Variants in WWP2 observed in about 807,000 individuals in gnomAD.
WWP2 encodes WW domain containing E3 ubiquitin protein ligase 2.
A neutral mutation model predicts 121.0 loss-of-function variants in WWP2; 57 were observed. The observed-to-expected ratio is 0.47, with a 90% confidence interval of 0.38 to 0.59. WWP2 has a LOEUF of 0.59. WWP2 is among the 20% of genes least tolerant of loss of function. The probability of loss-of-function intolerance (pLI) is 0.00; values close to 1 mark genes in which losing one functional copy is unlikely to be tolerated. For synonymous variants in WWP2, 449 were observed against 441.3 expected (o/e 1.02, Z -0.22); for missense variants, 962 against 1,158.9 (o/e 0.83, Z 2.47).
At chr16:69,927,970 TTTTTA>T (rs2058663685) in intron 11 of WWP2, among the ~76,000 whole-genome samples, 1 of 152,188 alleles carries the variant, frequency 6.6e-6, no homozygotes, top group Non-Finnish European at 1.5e-5. Context: ...CCTGTCTTTA[TTTTTA>T]TTTTATTTAT....
At chr16:69,907,879 C>G (rs1043197125) in intron 8 of WWP2, among the ~76,000 whole-genome samples, 1 of 152,170 alleles carries the variant, frequency 6.6e-6, no homozygotes, top group African/African-American at 2.4e-5. Context: ...GTAAATGAAT[C>G]TTATATTACA....
intron 16 of WWP2, chr16:69,933,206 G>A: frequency 2.2e-6 from 1 of 458,318 alleles, no homozygotes; most frequent in Non-Finnish European, 4.6e-6. Flanking sequence ...CTCCTCGTCT[G>A]CCCAGCCACA....
Position 69,930,296 on chromosome 16 carries a change from C to A in WWP2, c.1445+38C>A, listed in dbSNP as rs374816599. On this transcript the variant is annotated intron_variant, in intron 13 of 23. Transcript: ENST00000359154. The stretch of plus-strand genomic sequence containing the variant: ...TGCAGGTAGCAGCAGTGTCAGGAGC[C>A]GAGGCCCAGGCTGTCCTTGTTCTGG... The A allele has an allele frequency of 8.1e-6, 13 of 1,607,354 alleles. No individual in the cohort carries two copies. In the African/African-American group the frequency reaches 1.7e-4, roughly 22 times the overall value.
intron 7 of WWP2, among the ~76,000 whole-genome samples, chr16:69,886,980 A>G (rs941915151): frequency 2.6e-5 from 4 of 152,254 alleles, no homozygotes; most frequent in African/African-American, 9.6e-5. Flanking sequence ...ATGCAATCAT[A>G]TATATGGAAA....
chr16:69,881,795 G>T (rs1050204861), intron 7 of WWP2, among the ~76,000 whole-genome samples: 1 of 152,140 alleles, frequency 6.6e-6, no homozygotes, highest in Non-Finnish European at 1.5e-5. Context: ...GGGCTCAAGC[G>T]ATTCTCCTGC....
Position 69,936,046 on chromosome 16 carries a change from G to A in WWP2, c.1976+60G>A, listed in dbSNP as rs2058792712. 2.6e-5 allele frequency: 42 copies of A among 1,592,138 alleles called. 1 individual carries two copies. The South Asian group carries it at 4.7e-4, about 18-fold the overall frequency. On this transcript the variant is annotated intron_variant, in intron 18 of 23. Coordinates refer to ENST00000359154, the MANE Select transcript of WWP2 (RefSeq NM_001270454.2). ...TAGGAGGGACGTCTCTGGGTGGGAAGCAGGTACTGATGGCCTTTATTTTGT... is the reference window on the plus strand; with the variant it reads ...TAGGAGGGACGTCTCTGGGTGGGAAACAGGTACTGATGGCCTTTATTTTGT...
chr16:69,855,498 G>A (rs1351687814), intron 6 of WWP2, among the ~76,000 whole-genome samples: 2 of 151,888 alleles, frequency 1.3e-5, no homozygotes, highest in Non-Finnish European at 2.9e-5. Context: ...TTTTCCCTTG[G>A]TTTTATTGAT....
intron 4 of WWP2, among the ~76,000 whole-genome samples, chr16:69,807,619 CAAAAAAA>C (rs530408058): frequency 1.3e-4 from 6 of 46,902 alleles, no homozygotes; most frequent in East Asian, 1.1e-3. Context: ...ACCCTTTCTC[CAAAAAAA>C]AAAAAAAAAA....
chr16:69,775,131 T>C (rs2055497911), intron 1 of WWP2: 1 of 152,208 alleles, frequency 6.6e-6, no homozygotes. Flanking sequence ...AAAAGGGGTA[T>C]GATTGACTGG....
chr16:69,838,632 A>T, intron 4 of WWP2: 1 of 688,308 alleles, frequency 1.5e-6, no homozygotes, highest in Non-Finnish European at 1.8e-6. Context: ...CCAAGTGGCC[A>T]CTCCCAGGGA....
chr16:69,816,102 A>G lies in WWP2; in HGVS notation c.340+16807A>G, dbSNP rs533299013. On this transcript the variant is annotated intron_variant, in intron 4 of 23. Coordinates refer to ENST00000359154, the MANE Select transcript of WWP2 (RefSeq NM_001270454.2). ...GCTTCATGGTAGAAACTGCTAACCC[A>G]GTCCTGCATACCCAGTTAGTTTTTT... Among the ~76,000 whole-genome samples, 4 of 152,316 alleles carry G rather than the reference A, an allele frequency of 2.6e-5. No individual in the cohort carries two copies. The South Asian group carries it at 8.3e-4, about 32-fold the overall frequency.
intron 6 of WWP2, among the ~76,000 whole-genome samples, chr16:69,847,164 A>G (rs150660759): frequency 6.6e-6 from 1 of 152,220 alleles, no homozygotes; most frequent in African/African-American, 2.4e-5. Context: ...GGCTCACTAT[A>G]AACTCTGCCT....
chr16:69,907,949 T>C (rs1207187101), intron 8 of WWP2, among the ~76,000 whole-genome samples: 3 of 152,162 alleles, frequency 2.0e-5, no homozygotes, highest in Admixed American at 2.0e-4. Context: ...TCATAGAACC[T>C]GTGACTTTAA....
At chr16:69,767,050 T>A (rs2038747711) in intron 1 of WWP2, among the ~76,000 whole-genome samples, 1 of 151,424 alleles carries the variant, frequency 6.6e-6, no homozygotes, top group South Asian at 2.1e-4. Context: ...TTTTTTTTTT[T>A]AATCTTTTTG....
chr16:69,783,908 C>T (rs1000717754), intron 1 of WWP2, among the ~76,000 whole-genome samples: 1 of 152,074 alleles, frequency 6.6e-6, no homozygotes, highest in Non-Finnish European at 1.5e-5. Flanking sequence ...TGAGCATGTT[C>T]ATGCCACTGC....
chr16:69,931,186 A>G lies in WWP2; in HGVS notation c.1480A>G (p.Ser494Gly). Reference sequence around the variant, plus strand: ...AGGTTCCCCTGGTGCTTATGACCGCAGTTTTCGGTGGAAGTATCACCAGTT... The same window carrying G: ...AGGTTCCCCTGGTGCTTATGACCGCGGTTTTCGGTGGAAGTATCACCAGTT... Reference protein sequence around the residue: ...KQGSPGAYDRSFRWKYHQFRF... With the variant: ...KQGSPGAYDRGFRWKYHQFRF... Residue 494 changes from serine to glycine, a missense_variant, in exon 14 of 24, where the codon AGT (serine) becomes GGT (glycine). By Grantham distance (56) the Ser-to-Gly change is moderately conservative. Transcript: ENST00000359154. 6.2e-7 allele frequency: 1 copy of G among 1,613,866 alleles called. No individual in the cohort carries two copies. Among genetic ancestry groups the G allele is most frequent in the Non-Finnish European group, 8.5e-7 (1 of 1,179,924 alleles).
Position 69,935,446 on chromosome 16 carries a change from C to G in WWP2, c.1843-407C>G, listed in dbSNP as rs2058782653. On this transcript the variant is annotated intron_variant, in intron 17 of 23. Transcript: ENST00000359154. The surrounding 1 kb of genome is among the most constrained non-coding windows in gnomAD (Gnocchi z 5.2). Reference sequence around the variant, plus strand: ...TCGGCGGTGTCTGCATTATTTTTGGCTGCCTTTGCCACCCACCCTGAGCGC... The same window carrying G: ...TCGGCGGTGTCTGCATTATTTTTGGGTGCCTTTGCCACCCACCCTGAGCGC... Among the ~76,000 whole-genome samples the G allele has an allele frequency of 6.6e-6, 1 of 152,264 alleles. No individual in the cohort carries two copies.
chr16:69,799,471 G>T lies in WWP2; in HGVS notation c.340+176G>T. 1 of 817,212 alleles carries T rather than the reference G, an allele frequency of 1.2e-6. No homozygotes were observed. The highest frequency in any genetic ancestry group is 1.9e-5 in the South Asian group (1 of 51,516). 50.6% of individuals were successfully genotyped at this position (817,212 alleles called of 1,614,324 possible). A position where few individuals can be genotyped will look rare whatever the true frequency, so the allele number is the denominator to read the frequency against. ...AGGGCTCCTCTCTGCCTCCACTACAGAGTTTAGCCCTCTTTGTCCAGGGCC... is the reference window on the plus strand; with the variant it reads ...AGGGCTCCTCTCTGCCTCCACTACATAGTTTAGCCCTCTTTGTCCAGGGCC... On this transcript the variant is annotated intron_variant, in intron 4 of 23. Transcript: ENST00000359154. The surrounding 1 kb of genome is among the most constrained non-coding windows in gnomAD (Gnocchi z 4.5).
intron 1 of WWP2, among the ~76,000 whole-genome samples, chr16:69,785,696 G>A (rs902776182): frequency 1.3e-5 from 2 of 149,928 alleles, no homozygotes; most frequent in Admixed American, 1.3e-4. Flanking sequence ...GCACAGTCTC[G>A]GCCCACTGCA....
Sources: allele counts gnomAD v4.1 joint callset (sites outside exome capture counted in the v4.1 genomes callset), GRCh38; gene constraint gnomAD v4.1.1; non-coding constraint Gnocchi (gnomAD v3.1); transcripts MANE v1.5; gene names NCBI Gene and HGNC (gene_info 2026-07-23, HGNC 2026-07-21).